Variants in TRAM1 observed in about 807,000 individuals in gnomAD.
TRAM1 encodes translocation associated membrane protein 1.
TRAM1 carries 17 observed loss-of-function variants against 48.7 expected under a neutral mutation model. That is an observed-to-expected ratio of 0.35 (90% confidence interval 0.24 to 0.52). The LOEUF (loss-of-function observed/expected upper bound fraction) is 0.52. Among genes scored for constraint, TRAM1 ranks in the 20% least tolerant of loss-of-function variants. The pLI is 0.94. For synonymous variants in TRAM1, 182 were observed against 154.0 expected (o/e 1.18, Z -1.34); for missense variants, 351 against 441.5 (o/e 0.79, Z 1.84).
At chr8:70,599,763 G>C (rs1817565147) in intron 2 of TRAM1, among the ~76,000 whole-genome samples, 1 of 152,086 alleles carries the variant, frequency 6.6e-6, no homozygotes, top group African/African-American at 2.4e-5. Flanking sequence ...AGAAAGCAGA[G>C]AAAGCAAAAC....
chr8:70,581,344 T>G (rs1032148008), intron 10 of TRAM1, among the ~76,000 whole-genome samples: 1 of 152,182 alleles, frequency 6.6e-6, no homozygotes, highest in Admixed American at 6.5e-5. Flanking sequence ...GTAATCAAGA[T>G]AGTGTGGTTC....
chr8:70,576,086 AAAAAAAAAAC>A, intron 10 of TRAM1, among the ~76,000 whole-genome samples: 1 of 136,954 alleles, frequency 7.3e-6, no homozygotes, highest in South Asian at 2.2e-4. Flanking sequence ...AAAAGAAAAA[AAAAAAAAAAC>A]CACACAAAAA....
At position 70,578,588 on chromosome 8, in the gene TRAM1, G is replaced by A. The variant is rs193000896; in HGVS notation, c.1052-3583C>T. 1.4e-3 allele frequency among the ~76,000 whole-genome samples: 206 copies of A among 152,310 alleles called. 1 individual carries two copies. Among genetic ancestry groups the A allele is most frequent in the Non-Finnish European group, 2.3e-3 (157 of 68,028 alleles). The stretch of plus-strand genomic sequence containing the variant: ...GTTGAGGCTGCAGTGAGCCAAGATC[G>A]TGCCACTGCACTCCAGCCTGGGCGA... On this transcript the variant is annotated intron_variant, in intron 10 of 10. Transcript: ENST00000262213.
At chr8:70,579,137 G>A (rs943118697) in intron 10 of TRAM1, among the ~76,000 whole-genome samples, 1 of 152,168 alleles carries the variant, frequency 6.6e-6, no homozygotes, top group African/African-American at 2.4e-5. Flanking sequence ...TGTGTTAGGC[G>A]ATTTCATCAT....
intron 8 of TRAM1, among the ~76,000 whole-genome samples, chr8:70,586,121 C>T (rs1487055782): frequency 6.6e-6 from 1 of 151,588 alleles, no homozygotes; most frequent in African/African-American, 2.4e-5. Flanking sequence ...ATGTCCTTTG[C>T]AGGGACATGG....
intron 1 of TRAM1, chr8:70,607,163 G>A: frequency 1.0e-6 from 1 of 985,248 alleles, no homozygotes; most frequent in Non-Finnish European, 1.2e-6. Context: ...GGGAGCGAGG[G>A]GAAAAACGTA....
intron 8 of TRAM1, among the ~76,000 whole-genome samples, chr8:70,586,209 TG>T (rs2132030977): frequency 7.4e-6 from 1 of 135,720 alleles, no homozygotes; most frequent in African/African-American, 2.8e-5. Context: ...CACTCATAGG[TG>T]GGAACTGAAC....
chr8:70,586,104 A>T (rs1466867059), intron 8 of TRAM1, among the ~76,000 whole-genome samples: 5 of 151,802 alleles, frequency 3.3e-5, no homozygotes, highest in African/African-American at 7.3e-5. Context: ...TAAAAAATGA[A>T]GAGTTCATGT....
In TRAM1 at chr8:70,574,548, A is replaced by T. The variant is rs1016291457; in HGVS notation, c.*384T>A. ...GTTACCCTGAAAGATAACTTAAAAA[A>T]TATGGCCTTCTTAGAACAGGCCACT... On this transcript the variant is annotated 3_prime_UTR_variant, in exon 11 of 11. Transcript: ENST00000262213. 1.5e-5 allele frequency: 3 copies of T among 196,274 alleles called. No homozygotes were observed. The highest frequency in any genetic ancestry group is 7.2e-5 in the African/African-American group (3 of 41,756). 12.2% of individuals were successfully genotyped at this position (196,274 alleles called of 1,614,324 possible).
Position 70,574,747 on chromosome 8 carries a change from T to C in TRAM1, c.*185A>G. ...GCAGGTAGCTTAGTCTAAGCTAAAA[T>C]ATTTTTTTCATTCATAGCAATAATC... On this transcript the variant is annotated 3_prime_UTR_variant, in exon 11 of 11. Transcript: ENST00000262213. The C allele has an allele frequency of 2.0e-6, 1 of 503,220 alleles. No homozygotes were observed. Among genetic ancestry groups the C allele is most frequent in the Non-Finnish European group, 3.5e-6 (1 of 289,678 alleles). 31.2% of individuals were successfully genotyped at this position (503,220 alleles called of 1,614,324 possible). A position where few individuals can be genotyped will look rare whatever the true frequency, so the allele number is the denominator to read the frequency against.
At chr8:70,607,949 T>C in intron 1 of TRAM1, 128 bp downstream of exon 1, 3 of 1,194,348 alleles carry the variant, frequency 2.5e-6, no homozygotes, top group Non-Finnish European at 3.3e-6. Flanking sequence ...CCTCAGGGAC[T>C]GGGGGTCTGC....
chr8:70,581,613 T>C lies in TRAM1; in HGVS notation c.1051+1551A>G, dbSNP rs201997978. ...GACTCGGAAATCCCACTCCTATGTA[T>C]GTACCCTAGAGAATGAAAACACATG... is the stretch of plus-strand genomic sequence containing the variant. On this transcript the variant is annotated intron_variant, in intron 10 of 10. Coordinates refer to ENST00000262213, the MANE Select transcript of TRAM1 (RefSeq NM_014294.6). Among the ~76,000 whole-genome samples, 11 of 152,296 alleles carry C rather than the reference T, an allele frequency of 7.2e-5. No homozygotes were observed. In the East Asian group the frequency reaches 1.4e-3, roughly 19 times the overall value.
intron 6 of TRAM1, among the ~76,000 whole-genome samples, chr8:70,588,089 C>T (rs1028045983): frequency 1.3e-5 from 2 of 152,110 alleles, no homozygotes; most frequent in African/African-American, 4.8e-5. Context: ...TGGTATGCAA[C>T]TGTAGTCCCA....
chr8:70,596,419 A>G, intron 4 of TRAM1, 98 bp from the exon 5 acceptor site: 1 of 850,182 alleles, frequency 1.2e-6, no homozygotes, highest in Non-Finnish European at 1.8e-6. Flanking sequence ...CAGGTCCCAT[A>G]CCAGGTTGCA....
At chr8:70,594,455 C>CAAA in intron 6 of TRAM1, 51 bp downstream of exon 6, 2 of 1,105,182 alleles carry the variant, frequency 1.8e-6, no homozygotes, top group Non-Finnish European at 2.4e-6. Context: ...AAAAATTTTT[C>CAAA]AAAAAAAAAA....
At position 70,600,031 on chromosome 8, in the gene TRAM1, G is replaced by C; in HGVS notation, c.175C>G (p.Leu59Val). Residue 59 changes from leucine to valine, a missense_variant, in exon 2 of 11, where the codon CTC becomes GTC. By Grantham distance (32) the Leu-to-Val change is conservative. Transcript: ENST00000262213. ...GTAAATTACCTACCTGTTGCTGGGA[G>C]GGTGACATTGTACTGAAGAGTAACA... ...IFVTLQYNVT[L>V]PATEEQATES... 1 of 1,613,590 alleles carries C rather than the reference G, an allele frequency of 6.2e-7. No individual in the cohort carries two copies. The highest frequency in any genetic ancestry group is 8.5e-7 in the Non-Finnish European group (1 of 1,179,646).
chr8:70,576,069 TA>T (rs1391722559), intron 10 of TRAM1, among the ~76,000 whole-genome samples: 2 of 40,136 alleles, frequency 5.0e-5, no homozygotes, highest in African/African-American at 8.4e-5. Context: ...AGACTCCATC[TA>T]AAAAAAAAAG....
rs77728880 is a variant in TRAM1 at position 70,606,762 on chromosome 8, A to G, written c.123+1315T>C. 3,362 of 374,858 alleles carry G rather than the reference A, an allele frequency of 9.0e-3. 103 individuals carry two copies. The highest frequency in any genetic ancestry group is 0.07 in the African/African-American group (3,208 of 45,624). 23.2% of individuals were successfully genotyped at this position (374,858 alleles called of 1,614,324 possible). ...ACAATCAGGAGTAAATAATATCTGT[A>G]TCTAGATCCAGAAAAGCCCATTTGA... On this transcript the variant is annotated intron_variant, in intron 1 of 10. Transcript: ENST00000262213.
chr8:70,593,260 T>C (rs1817406818), intron 6 of TRAM1, among the ~76,000 whole-genome samples: 2 of 151,894 alleles, frequency 1.3e-5, no homozygotes, highest in Non-Finnish European at 2.9e-5. Flanking sequence ...CACGAAACAG[T>C]AGGAAATCAA....
Sources: allele counts gnomAD v4.1 joint callset (sites outside exome capture counted in the v4.1 genomes callset), GRCh38; gene constraint gnomAD v4.1.1; transcripts MANE v1.5; gene names NCBI Gene and HGNC (gene_info 2026-07-23, HGNC 2026-07-21).